Variants in FOCAD observed in about 807,000 individuals in gnomAD.
FOCAD encodes the protein KIAA1797.
Under a neutral mutation model 225.6 loss-of-function variants are expected in FOCAD, and 198 were observed. The observed-to-expected ratio is 0.88, with a 90% confidence interval of 0.78 to 0.99. The LOEUF is 0.99. Among genes scored for constraint, FOCAD ranks in the 50% least tolerant of loss-of-function variants. The pLI, the probability that FOCAD is intolerant of heterozygous loss-of-function variation, is 0.00. For synonymous variants in FOCAD, 897 were observed against 755.0 expected, an observed-to-expected ratio of 1.19 and a Z score of -3.08; for missense variants, 2,713 against 2,123.6, an observed-to-expected ratio of 1.28 and a Z score of -5.46.
chr9:20,972,496 CTA>C (rs1198051928), intron 35 of FOCAD, among the ~76,000 whole-genome samples: 7 of 151,586 alleles, frequency 4.6e-5, no homozygotes, highest in East Asian at 1.9e-4. Context: ...CTCTTTTTTT[CTA>C]TGTTACTCCT....
intron 1 of FOCAD, among the ~76,000 whole-genome samples, chr9:20,701,983 T>C (rs907897502): frequency 6.6e-6 from 1 of 152,202 alleles, no homozygotes; most frequent in African/African-American, 2.4e-5. Flanking sequence ...AGGTATTAGA[T>C]TCAGACTCAG....
chr9:20,695,412 T>C (rs1823281505), intron 1 of FOCAD, among the ~76,000 whole-genome samples: 2 of 152,206 alleles, frequency 1.3e-5, no homozygotes, highest in African/African-American at 4.8e-5. Context: ...AATCAAAGTA[T>C]TTATTAACAA....
chr9:20,734,388 A>G (rs1826961353), intron 4 of FOCAD, among the ~76,000 whole-genome samples: 1 of 152,232 alleles, frequency 6.6e-6, no homozygotes, highest in Admixed American at 6.5e-5. Flanking sequence ...GACCTATAAA[A>G]AACATTTATA....
chr9:20,793,921 G>T (rs1307453719), intron 11 of FOCAD, among the ~76,000 whole-genome samples: 1 of 152,132 alleles, frequency 6.6e-6, no homozygotes, highest in Non-Finnish European at 1.5e-5. Context: ...GGGCGAAGTG[G>T]GGATCGGTCC....
intron 2 of FOCAD, among the ~76,000 whole-genome samples, chr9:20,674,775 T>G (rs1375995083): frequency 6.6e-6 from 1 of 152,248 alleles, no homozygotes; most frequent in African/African-American, 2.4e-5. Flanking sequence ...TACTATTTAC[T>G]CAGTAATATT....
chr9:20,681,091 T>C (rs1217012218), upstream of FOCAD, among the ~76,000 whole-genome samples: 1 of 152,222 alleles, frequency 6.6e-6, no homozygotes, highest in Non-Finnish European at 1.5e-5. Context: ...GAATTGAAGA[T>C]GAACCTGTAT....
At chr9:20,700,302 G>T (rs1823834645) in intron 1 of FOCAD, among the ~76,000 whole-genome samples, 1 of 151,936 alleles carries the variant, frequency 6.6e-6, no homozygotes, top group South Asian at 2.1e-4. Flanking sequence ...AACTTATGTT[G>T]TATTAAAGTA....
intron 11 of FOCAD, among the ~76,000 whole-genome samples, chr9:20,801,261 GA>G (rs1342608647): frequency 2.0e-5 from 3 of 152,176 alleles, no homozygotes; most frequent in African/African-American, 7.2e-5. Context: ...ATGGGATAAA[GA>G]GGGGGTTTTA....
chr9:20,769,766 C>A (rs2130997547), intron 7 of FOCAD, among the ~76,000 whole-genome samples: 1 of 152,294 alleles, frequency 6.6e-6, no homozygotes, highest in Non-Finnish European at 1.5e-5. Context: ...CATCTGCACT[C>A]AGACAAGCTA....
At chr9:20,755,125 C>G (rs1393584631) in intron 5 of FOCAD, among the ~76,000 whole-genome samples, 1 of 152,150 alleles carries the variant, frequency 6.6e-6, no homozygotes, top group Non-Finnish European at 1.5e-5. Context: ...TTCCCTTTTC[C>G]CTCAAGCTTT....
At chr9:20,938,024 A>C (rs1283360441) in intron 28 of FOCAD, among the ~76,000 whole-genome samples, 1 of 151,986 alleles carries the variant, frequency 6.6e-6, no homozygotes, top group African/African-American at 2.4e-5. Context: ...TCAAAACCAC[A>C]ATGAGATACC....
intron 2 of FOCAD, among the ~76,000 whole-genome samples, chr9:20,678,587 T>C (rs1017924227): frequency 6.6e-6 from 1 of 152,220 alleles, no homozygotes; most frequent in Admixed American, 6.5e-5. Context: ...CCCTTCACAG[T>C]GCTGCAGGAG....
At chr9:20,929,288 T>G in intron 26 of FOCAD, 70 bp from the exon 27 acceptor site, 1 of 1,208,050 alleles carries the variant, frequency 8.3e-7, no homozygotes, top group Non-Finnish European at 1.2e-6. Flanking sequence ...GGTTGTATAG[T>G]GCTTTTATGA....
chr9:20,940,857 C>A (rs1196481031), intron 28 of FOCAD, among the ~76,000 whole-genome samples: 1 of 152,144 alleles, frequency 6.6e-6, no homozygotes, highest in East Asian at 1.9e-4. Context: ...TCTTACATAA[C>A]ACAGTATGGA....
At chr9:20,660,565 T>C (rs545461395) in intron 2 of FOCAD, among the ~76,000 whole-genome samples, 1 of 152,308 alleles carries the variant, frequency 6.6e-6, no homozygotes, top group South Asian at 2.1e-4. Context: ...GACATTTCAA[T>C]ACCAATATGT....
intron 19 of FOCAD, among the ~76,000 whole-genome samples, chr9:20,880,297 C>T (rs772288533): frequency 7.2e-5 from 11 of 152,006 alleles, no homozygotes; most frequent in South Asian, 4.2e-4. Flanking sequence ...ACAGAGATAA[C>T]GGGAGGAAGA....
chr9:20,848,707 G>A (rs1176985733), intron 15 of FOCAD, among the ~76,000 whole-genome samples: 2 of 151,958 alleles, frequency 1.3e-5, no homozygotes, highest in Non-Finnish European at 2.9e-5. Flanking sequence ...AAGGAATCAT[G>A]CCGTACACAT....
intron 11 of FOCAD, among the ~76,000 whole-genome samples, chr9:20,806,375 C>G (rs1822455501): frequency 6.6e-6 from 1 of 152,110 alleles, no homozygotes; most frequent in African/African-American, 2.4e-5. Context: ...ATGCTTTGTT[C>G]AGCCCAAGGT....
At chr9:20,959,974 T>C (rs1328236770) in intron 35 of FOCAD, among the ~76,000 whole-genome samples, 3 of 152,174 alleles carry the variant, frequency 2.0e-5, no homozygotes, top group Non-Finnish European at 4.4e-5. Context: ...GCAAAAATTG[T>C]CTTCCTTTTT....
Sources: gnomAD v4.1 joint callset for allele counts (sites outside exome capture counted in the v4.1 genomes callset) on GRCh38, gnomAD v4.1.1 for gene constraint, MANE v1.5 for transcripts, NCBI Gene and HGNC (gene_info 2026-07-23, HGNC 2026-07-21) for gene names.